CSMD1: variants seen among roughly 807,000 people sequenced by gnomAD.
CSMD1 encodes CUB and sushi domain-containing protein 1.
A neutral mutation model predicts 417.5 loss-of-function variants in CSMD1; 213 were observed. That is an observed-to-expected ratio of 0.51 (90% confidence interval 0.46 to 0.57). The LOEUF (loss-of-function observed/expected upper bound fraction) is 0.57. Among genes scored for constraint, CSMD1 ranks in the 20% least tolerant of loss-of-function variants. The pLI is 0.00. For synonymous variants in CSMD1, 2,862 were observed against 1,736.8 expected, an observed-to-expected ratio of 1.65 and a Z score of -16.11; for missense variants, 6,923 against 4,529.7, an observed-to-expected ratio of 1.53 and a Z score of -15.17.
chr8:3,420,557 G>A (rs1241464967), intron 12 of CSMD1, among the ~76,000 whole-genome samples: 1 of 151,158 alleles, frequency 6.6e-6, no homozygotes, highest in Non-Finnish European at 1.5e-5. Context: ...GGACAGAAAT[G>A]CTCTGTACTA....
At chr8:3,905,370 G>A (rs372904164) in intron 5 of CSMD1, among the ~76,000 whole-genome samples, 3 of 152,120 alleles carry the variant, frequency 2.0e-5, no homozygotes, top group African/African-American at 7.2e-5. Context: ...AAGTTCTTTA[G>A]ATTTTCTTAG....
intron 3 of CSMD1, among the ~76,000 whole-genome samples, chr8:4,092,965 TG>T (rs1800797967): frequency 6.6e-6 from 1 of 152,180 alleles, no homozygotes; most frequent in Admixed American, 6.5e-5. Flanking sequence ...CCTCTCTGTG[TG>T]GGGAGTATCT....
chr8:4,515,330 T>C (rs1303458189), intron 2 of CSMD1, among the ~76,000 whole-genome samples: 4 of 152,216 alleles, frequency 2.6e-5, no homozygotes, highest in East Asian at 1.9e-4. Context: ...AAATAAACAA[T>C]AGTTATGGCC....
At chr8:3,962,882 G>A (rs1338573032) in intron 5 of CSMD1, among the ~76,000 whole-genome samples, 2 of 152,286 alleles carry the variant, frequency 1.3e-5, no homozygotes, top group South Asian at 2.1e-4. Flanking sequence ...TAAAACAACT[G>A]AAGCCTGTTT....
intron 10 of CSMD1, among the ~76,000 whole-genome samples, chr8:3,539,511 T>C (rs190346090): frequency 3.2e-4 from 48 of 152,280 alleles, no homozygotes; most frequent in Admixed American, 2.9e-3. Flanking sequence ...TGCATTATAT[T>C]ATGAAGCCCA....
chr8:3,261,777 C>T (rs1287014437), intron 26 of CSMD1, among the ~76,000 whole-genome samples: 3 of 152,096 alleles, frequency 2.0e-5, no homozygotes, highest in Admixed American at 2.0e-4. Flanking sequence ...ATTCCCTCCA[C>T]AGCACATTTG....
chr8:3,729,696 CT>C (rs1802711534), intron 6 of CSMD1, among the ~76,000 whole-genome samples: 3 of 152,098 alleles, frequency 2.0e-5, no homozygotes, highest in South Asian at 4.2e-4. Flanking sequence ...CTCGCCTCTT[CT>C]TCTGCTAAGT....
chr8:3,933,980 G>T (rs1029602234), intron 5 of CSMD1, among the ~76,000 whole-genome samples: 1 of 152,082 alleles, frequency 6.6e-6, no homozygotes, highest in African/African-American at 2.4e-5. Context: ...GGCTAGTGAA[G>T]TGGCAAACCC....
At chr8:3,498,935 T>G (rs1278481979) in intron 10 of CSMD1, among the ~76,000 whole-genome samples, 2 of 152,326 alleles carry the variant, frequency 1.3e-5, no homozygotes, top group East Asian at 3.9e-4. Flanking sequence ...ATTCTACTGA[T>G]TCTCACGGCG....
chr8:3,680,849 T>C (rs1334550776), intron 7 of CSMD1, among the ~76,000 whole-genome samples: 1 of 152,188 alleles, frequency 6.6e-6, no homozygotes, highest in African/African-American at 2.4e-5. Flanking sequence ...CATGATCAAG[T>C]GGGCTTCATC....
At chr8:3,285,385 G>C (rs1803067677) in intron 25 of CSMD1, among the ~76,000 whole-genome samples, 1 of 132,372 alleles carries the variant, frequency 7.6e-6, no homozygotes, top group African/African-American at 2.8e-5. Context: ...ATTTTTGTCA[G>C]AACTTTTTTT....
chr8:4,115,437 G>T (rs1802082761), intron 3 of CSMD1, among the ~76,000 whole-genome samples: 2 of 152,118 alleles, frequency 1.3e-5, no homozygotes, highest in Non-Finnish European at 2.9e-5. Context: ...GTCTAAAACT[G>T]AATCTCTGAG....
chr8:3,855,789 C>G (rs1585096523), intron 5 of CSMD1, among the ~76,000 whole-genome samples: 1 of 152,118 alleles, frequency 6.6e-6, no homozygotes, highest in Non-Finnish European at 1.5e-5. Context: ...TAAAGACAAG[C>G]TTTCTGTAGA....
rs569619521 is a variant in CSMD1, at chr8:3,396,167, G to T, written c.2593+27C>A. 3.7e-5 allele frequency: 57 copies of T among 1,543,882 alleles called. No individual in the cohort carries two copies. The African/African-American group carries it at 5.3e-4, about 14-fold the overall frequency. On this transcript the variant is annotated intron_variant, in intron 17 of 69. Transcript: ENST00000635120. Reference sequence around the variant, plus strand: ...GTTCTCCCATGCATGCTGCCCTGCCGGGCTGTCAAGGGAAGGTGCAACTCA... The same window carrying T: ...GTTCTCCCATGCATGCTGCCCTGCCTGGCTGTCAAGGGAAGGTGCAACTCA...
Position 3,179,192 on chromosome 8 carries a change from G to A in CSMD1, c.5725+1918C>T, listed in dbSNP as rs550067982. Among the ~76,000 whole-genome samples, 698 of 151,822 alleles carry A rather than the reference G, an allele frequency of 4.6e-3. 6 individuals are homozygous for A. Among genetic ancestry groups the A allele is most frequent in the South Asian group, 0.031 (147 of 4,792 alleles). ...GATCTCCTGACCTCGTGATCTGCCC[G>A]CCTTGGCCTCCCAAAGTGCTGGGAT... On this transcript the variant is annotated intron_variant, in intron 37 of 69. Coordinates refer to ENST00000635120, the MANE Select transcript of CSMD1 (RefSeq NM_033225.6).
At chr8:4,266,281 AT>A (rs1804219345) in intron 3 of CSMD1, among the ~76,000 whole-genome samples, 1 of 105,428 alleles carries the variant, frequency 9.5e-6, no homozygotes, top group Admixed American at 9.0e-5. Flanking sequence ...AATTTTATAA[AT>A]TTTTGTTTTC....
At chr8:4,943,956 T>C (rs1019721565) in intron 1 of CSMD1, among the ~76,000 whole-genome samples, 9 of 152,056 alleles carry the variant, frequency 5.9e-5, no homozygotes, top group African/African-American at 2.2e-4. Context: ...AGAAAATGTA[T>C]TAAGGGAAAG....
At chr8:3,418,132 T>G (rs551802242) in intron 12 of CSMD1, among the ~76,000 whole-genome samples, 13 of 152,326 alleles carry the variant, frequency 8.5e-5, no homozygotes, top group African/African-American at 2.9e-4. Flanking sequence ...TTTGTTTGAC[T>G]GAAACAAGAA....
intron 26 of CSMD1, chr8:3,278,424 A>C (rs559049974): frequency 8.5e-5 from 13 of 152,344 alleles, no homozygotes; most frequent in African/African-American, 2.6e-4. Context: ...ACTGACATAG[A>C]ATCAAGTAAA....
Sources: allele counts gnomAD v4.1 joint callset (sites outside exome capture counted in the v4.1 genomes callset), GRCh38; gene constraint gnomAD v4.1.1; transcripts MANE v1.5; gene names NCBI Gene and HGNC (gene_info 2026-07-23, HGNC 2026-07-21).